INCA1: variants seen among roughly 807,000 people sequenced by gnomAD.
INCA1 encodes protein INCA1.
In INCA1, 28 loss-of-function variants were observed where a neutral mutation model predicts 25.7. The observed-to-expected ratio is 1.09, with a 90% confidence interval of 0.81 to 1.49. INCA1 has a LOEUF of 1.49. Ranked by LOEUF, INCA1 falls within the 40% of genes most tolerant of loss-of-function variation. INCA1 has a pLI of 0.00. For missense variants in INCA1, 309 were observed against 290.9 expected, an observed-to-expected ratio of 1.06 and a Z score of -0.45; for synonymous variants, 111 against 103.6, an observed-to-expected ratio of 1.07 and a Z score of -0.43.
chr17:4,992,948 C>T (rs1303448334), intron 2 of INCA1, among the ~76,000 whole-genome samples: 6 of 152,034 alleles, frequency 3.9e-5, no homozygotes, highest in Admixed American at 3.9e-4. Context: ...GGCACAGTCT[C>T]GGCTCACTGC....
rs776909771 is a variant in INCA1, at chr17:4,989,878, G to A, written c.198+12C>T. 5 of 1,614,076 alleles carry A rather than the reference G, an allele frequency of 3.1e-6. No homozygotes were observed. The East Asian group carries it at 8.9e-5, about 29-fold the overall frequency. On this transcript the variant is annotated intron_variant, in intron 4 of 6. Coordinates refer to ENST00000576820, the Ensembl canonical transcript of INCA1. ...AACAGAGAAATGTTAAACGGCAGAG[G>A]GTCTGTCTTACCAGCATGGGTGGAA...
At chr17:4,992,567 A>G (rs1170632882) in intron 2 of INCA1, among the ~76,000 whole-genome samples, 1 of 151,848 alleles carries the variant, frequency 6.6e-6, no homozygotes. Context: ...TACAGGTGTG[A>G]GCCACCGCAC....
chr17:4,988,490 G>A (rs778851278), exon 7 of INCA1: 29 of 1,614,024 alleles, frequency 1.8e-5, no homozygotes, highest in Non-Finnish European at 2.1e-5. Context: ...CGAGGCCAGA[G>A]AGTGCAGCTG....
chr17:4,994,474 T>G (rs1319697946), exon 2 of INCA1: 1 of 1,610,098 alleles, frequency 6.2e-7, no homozygotes, highest in Admixed American at 1.7e-5. Context: ...TCCTTTTTGG[T>G]GCTGGGAGGA....
intron 2 of INCA1, among the ~76,000 whole-genome samples, chr17:4,990,790 G>A (rs944895772): frequency 6.6e-6 from 1 of 150,914 alleles, no homozygotes; most frequent in African/African-American, 2.4e-5. Context: ...GGCTGAGGCA[G>A]GAGAATCACT....
intron 2 of INCA1, among the ~76,000 whole-genome samples, chr17:4,992,840 C>T (rs1217187402): frequency 6.6e-6 from 1 of 151,312 alleles, no homozygotes; most frequent in African/African-American, 2.4e-5. Flanking sequence ...CTCCCAAAGT[C>T]CTGGGGTTAT....
exon 7 of INCA1, chr17:4,988,381 C>T: frequency 6.3e-7 from 1 of 1,578,214 alleles, no homozygotes; most frequent in Non-Finnish European, 8.6e-7. Context: ...GCACCACTAG[C>T]CTCTCGGCAT....
chr17:4,994,469 T>C, exon 2 of INCA1: 1 of 1,612,498 alleles, frequency 6.2e-7, no homozygotes, highest in Non-Finnish European at 8.5e-7. Flanking sequence ...TAGTCTCCTT[T>C]TTGGTGCTGG....
intron 1 of INCA1, chr17:4,996,700 G>C (rs1276335448): frequency 7.1e-6 from 1 of 140,664 alleles, no homozygotes; most frequent in African/African-American, 2.7e-5. Flanking sequence ...AAGAATACTA[G>C]ATAAGTTAGG....
exon 5 of INCA1, chr17:4,989,569 G>T: frequency 6.8e-6 from 11 of 1,614,228 alleles, no homozygotes; most frequent in Non-Finnish European, 9.3e-6. Flanking sequence ...AAGCATTTCA[G>T]GGGGTGGGAG....
chr17:4,989,262 G>C (rs563468521), intron 5 of INCA1, among the ~76,000 whole-genome samples, 166 bp downstream of exon 5: 85 of 152,140 alleles, frequency 5.6e-4, no homozygotes, highest in Admixed American at 2.3e-3. Context: ...CCATATTACA[G>C]AAATCTGTTT....
chr17:4,993,004 T>C (rs1049121024), intron 2 of INCA1, among the ~76,000 whole-genome samples: 12 of 144,634 alleles, frequency 8.3e-5, no homozygotes, highest in East Asian at 2.1e-4. Flanking sequence ...CTCAGCCTCC[T>C]GAGTAGCAGG....
rs1973583419 is a variant in INCA1 at position 4,988,915 on chromosome 17, C to T, written c.425G>A (p.Gly142Glu). The change falls in exon 6 of 7, where the codon GGG becomes GAG. Residue 142 changes from glycine to glutamate, a missense_variant. Physicochemically the swap from Gly to Glu is moderately conservative, Grantham distance 98. Coordinates refer to ENST00000576820, the Ensembl canonical transcript of INCA1. ...AAGCACCACTGGCTCAGATGCAGCCCCAGAGCTGCCCCACTGGGCCTTCTT... is the reference window on the plus strand; with the variant it reads ...AAGCACCACTGGCTCAGATGCAGCCTCAGAGCTGCCCCACTGGGCCTTCTT... 6 of 1,614,024 alleles carry T rather than the reference C, an allele frequency of 3.7e-6. No homozygotes were observed. In the South Asian group the frequency reaches 4.4e-5, roughly 12 times the overall value.
At chr17:4,995,504 A>T (rs1974179201) in intron 1 of INCA1, among the ~76,000 whole-genome samples, 1 of 152,172 alleles carries the variant, frequency 6.6e-6, no homozygotes, top group Non-Finnish European at 1.5e-5. Context: ...AGTGAAAGTT[A>T]ATTGTGTGGG....
In INCA1 at chr17:4,989,639, G is replaced by T. The variant is rs751378559; in HGVS notation, c.199-15C>A. ...CCAGTGGCTCTCTGTGCCAGAGAATGGGGAAAAAGAGCTAGAAAGAAGAAC... is the reference window on the plus strand; with the variant it reads ...CCAGTGGCTCTCTGTGCCAGAGAATTGGGAAAAAGAGCTAGAAAGAAGAAC... On this transcript the variant is annotated splice_polypyrimidine_tract_variant and intron_variant, in intron 4 of 6. Coordinates refer to ENST00000576820, the Ensembl canonical transcript of INCA1. 9.3e-6 allele frequency: 15 copies of T among 1,610,462 alleles called. No homozygotes were observed. Among genetic ancestry groups the T allele is most frequent in the Non-Finnish European group, 1.2e-5 (14 of 1,178,000 alleles).
chr17:4,996,612 G>GCAACCA (rs1282348009), intron 1 of INCA1, among the ~76,000 whole-genome samples: 2 of 147,626 alleles, frequency 1.4e-5, no homozygotes, highest in Non-Finnish European at 3.0e-5. Flanking sequence ...AACCCAGGAG[G>GCAACCA]CGGAGGTTGC....
intron 2 of INCA1, among the ~76,000 whole-genome samples, chr17:4,993,172 G>A (rs975115238): frequency 4.0e-5 from 6 of 151,162 alleles, no homozygotes; most frequent in Non-Finnish European, 5.9e-5. Flanking sequence ...GAGCCACCAC[G>A]CCTGACCTTG....
At chr17:4,991,312 T>C (rs550560043) in intron 2 of INCA1, among the ~76,000 whole-genome samples, 1 of 152,234 alleles carries the variant, frequency 6.6e-6, no homozygotes, top group South Asian at 2.1e-4. Context: ...TTATACCTCA[T>C]AGTTAGAGAA....
intron 6 of INCA1, 67 bp downstream of exon 6, chr17:4,988,712 G>C: frequency 6.3e-7 from 1 of 1,592,136 alleles, no homozygotes. Context: ...CTCAGCTTCT[G>C]CATCTCCATG....
Sources: gnomAD v4.1 joint callset for allele counts (sites outside exome capture counted in the v4.1 genomes callset) on GRCh38, gnomAD v4.1.1 for gene constraint, MANE v1.5 for transcripts, NCBI Gene and HGNC (gene_info 2026-07-23, HGNC 2026-07-21) for gene names.